GRID2: variants seen among roughly 807,000 people sequenced by gnomAD.
The protein encoded by GRID2 is glutamate receptor ionotropic, delta-2.
In GRID2, 33 loss-of-function variants were observed where a neutral mutation model predicts 114.8. The observed-to-expected ratio is 0.29, with a 90% CI of 0.22 to 0.38. The LOEUF (loss-of-function observed/expected upper bound fraction) is 0.38, where lower values mean the gene tolerates loss of function less well. Ranked by LOEUF, GRID2 falls within the 10% of genes least tolerant of loss-of-function variation. The probability of loss-of-function intolerance (pLI) is 1.00; values close to 1 mark genes in which losing one functional copy is unlikely to be tolerated. For missense variants in GRID2, 1,184 were observed against 1,257.7 expected (o/e 0.94, Z 0.89); for synonymous variants, 505 against 449.9 (o/e 1.12, Z -1.55).
chr4:93,404,553 A>G (rs927865282), intron 9 of GRID2, among the ~76,000 whole-genome samples: 1 of 152,124 alleles, frequency 6.6e-6, no homozygotes, highest in African/African-American at 2.4e-5. Context: ...TAAATTACCT[A>G]CCTCATAAAG....
At chr4:93,364,506 C>G (rs1005407082) in intron 8 of GRID2, among the ~76,000 whole-genome samples, 2 of 152,036 alleles carry the variant, frequency 1.3e-5, no homozygotes, top group Admixed American at 6.6e-5. Context: ...GAGTCTTGCT[C>G]TGTCACTCAG....
intron 14 of GRID2, among the ~76,000 whole-genome samples, chr4:93,666,692 A>G (rs933092200): frequency 3.3e-5 from 5 of 152,042 alleles, no homozygotes; most frequent in Non-Finnish European, 7.4e-5. Context: ...CTAAGCTTTC[A>G]GTCACTTATA....
intron 11 of GRID2, among the ~76,000 whole-genome samples, chr4:93,474,090 G>C (rs1437338133): frequency 7.9e-5 from 12 of 151,858 alleles, no homozygotes; most frequent in Admixed American, 7.9e-4. Flanking sequence ...AATTAAAAAA[G>C]AAAATATAAA....
intron 8 of GRID2, among the ~76,000 whole-genome samples, chr4:93,314,768 C>T (rs1034491331): frequency 4.6e-5 from 7 of 151,980 alleles, no homozygotes; most frequent in Admixed American, 1.3e-4. Context: ...CACTACATCA[C>T]ACATAGATAT....
At chr4:93,393,985 A>T (rs1905710) in intron 8 of GRID2, among the ~76,000 whole-genome samples, 105,028 of 151,852 alleles carry the variant, frequency 0.69, 37,024 homozygotes, top group African/African-American at 0.83. Flanking sequence ...TATGTGGAGA[A>T]AGCACATTGG....
At chr4:93,229,722 A>T (rs929208224) in intron 7 of GRID2, among the ~76,000 whole-genome samples, 1 of 152,176 alleles carries the variant, frequency 6.6e-6, no homozygotes, top group African/African-American at 2.4e-5. Flanking sequence ...ATTAATTTCT[A>T]TTCTTATTAT....
intron 11 of GRID2, among the ~76,000 whole-genome samples, chr4:93,465,206 G>T (rs893788974): frequency 2.0e-5 from 3 of 152,146 alleles, no homozygotes; most frequent in Non-Finnish European, 4.4e-5. Flanking sequence ...CTGCAACTGG[G>T]TCAAATACAT....
At chr4:93,211,148 C>T (rs1743423305) in intron 5 of GRID2, among the ~76,000 whole-genome samples, 1 of 151,916 alleles carries the variant, frequency 6.6e-6, no homozygotes, top group Non-Finnish European at 1.5e-5. Context: ...AATTTAGCTT[C>T]CACAAGTATA....
intron 14 of GRID2, among the ~76,000 whole-genome samples, chr4:93,660,272 A>G (rs886985151): frequency 6.6e-6 from 1 of 152,172 alleles, no homozygotes; most frequent in African/African-American, 2.4e-5. Flanking sequence ...CTCAAATTAT[A>G]CCATTTTAAA....
chr4:93,041,381 G>A (rs1390362379), intron 2 of GRID2, among the ~76,000 whole-genome samples: 1 of 152,022 alleles, frequency 6.6e-6, no homozygotes, highest in Non-Finnish European at 1.5e-5. Context: ...TTTTTGACTG[G>A]CATATTCCTT....
chr4:93,091,471 G>A (rs1730783657), intron 3 of GRID2, among the ~76,000 whole-genome samples: 1 of 152,104 alleles, frequency 6.6e-6, no homozygotes, highest in Non-Finnish European at 1.5e-5. Flanking sequence ...CTTTCATGGA[G>A]AATACTCCAG....
intron 2 of GRID2, among the ~76,000 whole-genome samples, chr4:92,754,736 C>T (rs1737626841): frequency 6.6e-6 from 1 of 152,018 alleles, no homozygotes; most frequent in Non-Finnish European, 1.5e-5. Flanking sequence ...TTAAAATGAC[C>T]ATTTGGGAAA....
At chr4:92,685,191 C>A (rs188558581) in intron 2 of GRID2, among the ~76,000 whole-genome samples, 7 of 152,012 alleles carry the variant, frequency 4.6e-5, no homozygotes, top group Non-Finnish European at 1.0e-4. Context: ...GTTCTACTTA[C>A]TTTTGTCATG....
chr4:93,417,106 G>T (rs1413106973), intron 9 of GRID2, among the ~76,000 whole-genome samples: 1 of 152,026 alleles, frequency 6.6e-6, no homozygotes, highest in Non-Finnish European at 1.5e-5. Flanking sequence ...TTAATGACAG[G>T]ATTTTATCAT....
intron 1 of GRID2, among the ~76,000 whole-genome samples, chr4:93,799,914 G>A (rs1734892357): frequency 6.6e-6 from 1 of 152,250 alleles, no homozygotes; most frequent in Middle Eastern, 3.4e-3. Flanking sequence ...AGACACTAAG[G>A]AAATCTTATT....
chr4:92,451,819 T>C (rs1720938396), intron 1 of GRID2, among the ~76,000 whole-genome samples: 1 of 152,172 alleles, frequency 6.6e-6, no homozygotes, highest in Non-Finnish European at 1.5e-5. Flanking sequence ...TGTCCAAATA[T>C]CAAAAGAGCC....
In GRID2 at chr4:93,602,621, T is replaced by C. The variant is rs183372649; in HGVS notation, c.2194-23648T>C. On this transcript the variant is annotated intron_variant, in intron 13 of 15. Transcript: ENST00000282020. ...CCCACATGATGGCTAACTTAATCAG[T>C]AAATGTGTTTGTTCTGGCTGCTTCA... Among the ~76,000 whole-genome samples, 51 of 152,350 alleles carry C rather than the reference T, an allele frequency of 3.3e-4. No individual in the cohort carries two copies. The East Asian group carries it at 6.7e-3, about 20-fold the overall frequency.
chr4:92,940,340 A>C (rs2149534044), intron 2 of GRID2, among the ~76,000 whole-genome samples: 1 of 146,902 alleles, frequency 6.8e-6, no homozygotes, highest in South Asian at 2.3e-4. Context: ...TGTGAATGGG[A>C]GTTCACTCAT....
chr4:93,268,010 G>A (rs1751043383), intron 8 of GRID2, among the ~76,000 whole-genome samples: 1 of 152,168 alleles, frequency 6.6e-6, no homozygotes, highest in Non-Finnish European at 1.5e-5. Flanking sequence ...TGGTGGGAAT[G>A]TGTATTGCAG....
Sources: gnomAD v4.1 joint callset for allele counts (sites outside exome capture counted in the v4.1 genomes callset) on GRCh38, gnomAD v4.1.1 for gene constraint, MANE v1.5 for transcripts, NCBI Gene and HGNC (gene_info 2026-07-23, HGNC 2026-07-21) for gene names.